Variants in SEPTIN9 observed in about 807,000 individuals in gnomAD.
SEPTIN9 encodes septin 9.
SEPTIN9 carries 13 observed loss-of-function variants against 56.6 expected under a neutral mutation model. The observed-to-expected ratio is 0.23, with a 90% CI of 0.15 to 0.37. SEPTIN9 has a LOEUF of 0.37. Among genes scored for constraint, SEPTIN9 ranks in the 10% least tolerant of loss-of-function variants. The pLI, the probability that SEPTIN9 is intolerant of heterozygous loss-of-function variation, is 1.00. For missense variants in SEPTIN9, 650 were observed against 823.1 expected (o/e 0.79, Z 2.57); for synonymous variants, 332 against 334.1 (o/e 0.99, Z 0.07).
In SEPTIN9 at chr17:77,498,588, G is replaced by A. The variant is rs374661361; in HGVS notation, c.1691G>A (p.Arg564His). 70 of 1,607,542 alleles carry A rather than the reference G, an allele frequency of 4.4e-5. No individual in the cohort carries two copies. Among genetic ancestry groups the A allele is most frequent in the Non-Finnish European group, 5.3e-5 (63 of 1,177,828 alleles). Residue 564 changes from arginine to histidine, a missense_variant, in exon 12 of 12, where the codon CGC becomes CAC. Around this residue, in one of 2 missense-constraint regions of SEPTIN9, gnomAD observed 333 missense variants for 494.0 expected, o/e 0.67. Coordinates refer to ENST00000427177, the MANE Select transcript of SEPTIN9 (RefSeq NM_001113491.2). Reference protein sequence around the residue: ...SIHFEAYRVKRLNEGSSAMAN... With the variant: ...SIHFEAYRVKHLNEGSSAMAN... ...CACTTCGAGGCGTACCGTGTGAAGC[G>A]CCTCAACGAGGGCAGCAGCGCCATG...
intron 3 of SEPTIN9, among the ~76,000 whole-genome samples, chr17:77,415,902 C>T (rs746439251): frequency 8.5e-5 from 13 of 152,186 alleles, no homozygotes; most frequent in Non-Finnish European, 1.2e-4. Context: ...AGAGCAGGGC[C>T]GGCTGGGGCA....
intron 3 of SEPTIN9, among the ~76,000 whole-genome samples, chr17:77,462,339 T>C (rs1340308504): frequency 6.6e-6 from 1 of 152,114 alleles, no homozygotes; most frequent in Admixed American, 6.5e-5. Context: ...CTTCCTGGGC[T>C]CAAGCTGGGG....
At chr17:77,495,712 T>C (rs2040229641) in intron 10 of SEPTIN9, among the ~76,000 whole-genome samples, 1 of 152,178 alleles carries the variant, frequency 6.6e-6, no homozygotes, top group Non-Finnish European at 1.5e-5. Context: ...GTGCTGCTGG[T>C]CAGTCTGCAG....
intron 3 of SEPTIN9, among the ~76,000 whole-genome samples, chr17:77,455,655 C>T (rs72896180): frequency 0.01 from 1,582 of 152,338 alleles, 11 homozygotes; most frequent in Middle Eastern, 0.031. Context: ...GGGCCCCCAG[C>T]GGGCGGGGTT....
chr17:77,488,591 C>A, intron 6 of SEPTIN9, 136 bp from the exon 7 acceptor site: 2 of 1,280,504 alleles, frequency 1.6e-6, no homozygotes, highest in Non-Finnish European at 1.1e-6. Flanking sequence ...GTGGCATCTC[C>A]GCTCAGCAAG....
chr17:77,489,219 C>T (rs2039925450), intron 7 of SEPTIN9, among the ~76,000 whole-genome samples: 3 of 152,184 alleles, frequency 2.0e-5, no homozygotes, highest in Non-Finnish European at 4.4e-5. Context: ...CGGTGACTGA[C>T]CTTCTCATCC....
chr17:77,289,563 C>T (rs2031442386), intron 1 of SEPTIN9, among the ~76,000 whole-genome samples: 1 of 151,882 alleles, frequency 6.6e-6, no homozygotes, highest in African/African-American at 2.4e-5. Context: ...CCTGCGTCAC[C>T]ATGCCCGGCT....
intron 2 of SEPTIN9, among the ~76,000 whole-genome samples, chr17:77,393,744 G>C (rs969260385): frequency 6.6e-6 from 1 of 151,966 alleles, no homozygotes; most frequent in African/African-American, 2.4e-5. Flanking sequence ...GCACCACCAC[G>C]CCTGACTATT....
intron 2 of SEPTIN9, among the ~76,000 whole-genome samples, chr17:77,347,903 A>G (rs1179890055): frequency 6.6e-6 from 1 of 152,174 alleles, no homozygotes; most frequent in African/African-American, 2.4e-5. Flanking sequence ...AAGGTAGGCT[A>G]GGCTAAGCTA....
intron 3 of SEPTIN9, among the ~76,000 whole-genome samples, chr17:77,431,734 G>T (rs775149645): frequency 6.6e-6 from 1 of 151,670 alleles, no homozygotes; most frequent in African/African-American, 2.4e-5. Context: ...GGAGGCTGAG[G>T]CAGGAGAATA....
chr17:77,311,295 C>T (rs1156861185), intron 2 of SEPTIN9, among the ~76,000 whole-genome samples: 1 of 150,402 alleles, frequency 6.6e-6, no homozygotes, highest in Non-Finnish European at 1.5e-5. Context: ...GACCTCTGGC[C>T]TCCAGCATGG....
At chr17:77,440,816 CAG>C (rs1375463443) in intron 3 of SEPTIN9, among the ~76,000 whole-genome samples, 2 of 152,236 alleles carry the variant, frequency 1.3e-5, no homozygotes, top group Non-Finnish European at 2.9e-5. Context: ...GAAATGGGCC[CAG>C]AGTCACTCAG....
rs2040089354 is a variant in SEPTIN9, at chr17:77,492,863, A to G, written c.1477-117A>G. On this transcript the variant is annotated intron_variant, in intron 9 of 11. Transcript: ENST00000427177. This position sits in a 1 kb window ranked among gnomAD's most constrained non-coding sequence, Gnocchi z 5.4. The stretch of plus-strand genomic sequence containing the variant: ...CCAGGTGTCTGTACCCAGTGCTGTC[A>G]GGCTGAGGCTCTCGTTTTTGGGGGA... 1 of 1,211,266 alleles carries G rather than the reference A, an allele frequency of 8.3e-7. No individual in the cohort carries two copies. The highest frequency in any genetic ancestry group is 1.2e-6 in the Non-Finnish European group (1 of 825,334). 75.0% of individuals were successfully genotyped at this position (1,211,266 alleles called of 1,614,324 possible).
At chr17:77,488,209 C>G (rs1236948173) in intron 5 of SEPTIN9, 31 bp from the exon 6 acceptor site, 21 of 1,609,250 alleles carry the variant, frequency 1.3e-5, no homozygotes, top group Non-Finnish European at 1.7e-5. Context: ...TTCCGTCTCC[C>G]CTCTGACTCT....
chr17:77,335,228 C>T (rs1163318013), intron 2 of SEPTIN9, among the ~76,000 whole-genome samples: 4 of 149,042 alleles, frequency 2.7e-5, no homozygotes, highest in African/African-American at 9.9e-5. Flanking sequence ...ATATGTGGTC[C>T]TGTATTAGTA....
At chr17:77,490,132 G>A (rs911985010) in intron 7 of SEPTIN9, among the ~76,000 whole-genome samples, 122 of 152,334 alleles carry the variant, frequency 8.0e-4, no homozygotes, top group African/African-American at 2.9e-3. Flanking sequence ...ACTTCTGCCC[G>A]GAGCGGGCTT....
rs1464849097 is a variant in SEPTIN9 at position 77,436,304 on chromosome 17, T to A, written c.721+33601T>A. On this transcript the variant is annotated intron_variant, in intron 3 of 11. Transcript: ENST00000427177. The surrounding 1 kb of genome is among the most constrained non-coding windows in gnomAD (Gnocchi z 4.4). ...CAGCGCTGTTCGGCACAGTCCCCTC[T>A]GAGCCACCCTGCATGTTTCATTCCA... 1.3e-5 allele frequency among the ~76,000 whole-genome samples: 2 copies of A among 152,198 alleles called. No homozygotes were observed. The highest frequency in any genetic ancestry group is 6.5e-5 in the Admixed American group (1 of 15,282).
intron 1 of SEPTIN9, among the ~76,000 whole-genome samples, chr17:77,287,004 G>T (rs917765712): frequency 6.6e-6 from 1 of 152,226 alleles, no homozygotes; most frequent in Non-Finnish European, 1.5e-5. Context: ...GGATCAGTGG[G>T]TGCCAATCCC....
chr17:77,395,072 G>GTGT (rs1555658073), intron 2 of SEPTIN9, among the ~76,000 whole-genome samples: 3 of 139,116 alleles, frequency 2.2e-5, no homozygotes, highest in African/African-American at 8.9e-5. Context: ...GTATGTGTGT[G>GTGT]TTTTTTTTTT....
Sources: gnomAD v4.1 joint callset for allele counts (sites outside exome capture counted in the v4.1 genomes callset) on GRCh38, gnomAD v4.1.1 for gene constraint, gnomAD v4.1.1 regional missense constraint, Gnocchi (gnomAD v3.1) non-coding constraint, MANE v1.5 for transcripts, NCBI Gene and HGNC (gene_info 2026-07-23, HGNC 2026-07-21) for gene names.